Variants in SUGCT observed in about 807,000 individuals in gnomAD.
The protein encoded by SUGCT is succinyl-CoA:glutarate-CoA transferase.
Under a neutral mutation model 55.0 loss-of-function variants are expected in SUGCT, and 41 were observed. The ratio of observed to expected loss-of-function variants is 0.74; its 90% CI spans 0.58 to 0.97. The LOEUF (loss-of-function observed/expected upper bound fraction) is 0.97, where lower values mean the gene tolerates loss of function less well. Among genes scored for constraint, SUGCT ranks in the 50% least tolerant of loss-of-function variants. SUGCT has a pLI of 0.00. For synonymous variants in SUGCT, 187 were observed against 200.4 expected, an observed-to-expected ratio of 0.93 and a Z score of 0.56; for missense variants, 568 against 547.8, an observed-to-expected ratio of 1.04 and a Z score of -0.37.
chr7:40,976,537 T>A, the SUGCT span, among the ~76,000 whole-genome samples: 2 of 152,210 alleles, frequency 1.3e-5, no homozygotes, highest in Non-Finnish European at 2.9e-5. Flanking sequence ...AGGTTTCACA[T>A]CTCTGAATGT....
At chr7:40,925,870 G>T in the SUGCT span, among the ~76,000 whole-genome samples, 15 of 152,244 alleles carry the variant, frequency 9.9e-5, no homozygotes, top group Admixed American at 5.2e-4. Flanking sequence ...GAGATGGGGG[G>T]ACTGCTTGAG....
At chr7:40,675,268 A>G (rs79590460) in intron 12 of SUGCT, among the ~76,000 whole-genome samples, 1 of 152,130 alleles carries the variant, frequency 6.6e-6, no homozygotes, top group Non-Finnish European at 1.5e-5. Flanking sequence ...CATGTTGGCC[A>G]GTCTAGTCTC....
intron 6 of SUGCT, among the ~76,000 whole-genome samples, chr7:40,197,122 A>G (rs1488519564): frequency 1.3e-5 from 2 of 152,170 alleles, no homozygotes; most frequent in African/African-American, 4.8e-5. Context: ...CGTGTGAGCC[A>G]CTGTGCCCGG....
At chr7:40,879,092 C>T in the SUGCT span, among the ~76,000 whole-genome samples, 2 of 152,038 alleles carry the variant, frequency 1.3e-5, no homozygotes, top group Non-Finnish European at 2.9e-5. Context: ...GCGCCCAGCC[C>T]CTCAATCTTA....
At chr7:40,707,821 G>A (rs551110683) in intron 12 of SUGCT, among the ~76,000 whole-genome samples, 1 of 152,210 alleles carries the variant, frequency 6.6e-6, no homozygotes, top group South Asian at 2.1e-4. Flanking sequence ...GTGGATTTTT[G>A]TTTCTTACCA....
At chr7:40,185,614 C>T (rs1785459237) in intron 3 of SUGCT, among the ~76,000 whole-genome samples, 1 of 152,188 alleles carries the variant, frequency 6.6e-6, no homozygotes, top group Admixed American at 6.5e-5. Flanking sequence ...CCTCTACCTC[C>T]CAGGTTCAAA....
intron 11 of SUGCT, among the ~76,000 whole-genome samples, chr7:40,466,573 A>G (rs961420994): frequency 6.6e-6 from 1 of 152,218 alleles, no homozygotes; most frequent in African/African-American, 2.4e-5. Context: ...GGCAGAGAAT[A>G]TATCCTTTGG....
chr7:40,927,343 T>G, the SUGCT span, among the ~76,000 whole-genome samples: 111 of 152,312 alleles, frequency 7.3e-4, no homozygotes, highest in Admixed American at 2.1e-3. Context: ...GCCTTGCTCT[T>G]GTGTGGTACA....
chr7:40,556,426 C>T (rs1188098199), intron 12 of SUGCT, among the ~76,000 whole-genome samples: 1 of 152,212 alleles, frequency 6.6e-6, no homozygotes, highest in African/African-American at 2.4e-5. Context: ...TCTTCCCCTT[C>T]TCAGTCCTGC....
chr7:40,896,206 A>G, the SUGCT span, among the ~76,000 whole-genome samples: 1 of 152,190 alleles, frequency 6.6e-6, no homozygotes, highest in East Asian at 1.9e-4. Flanking sequence ...ACAATTACCT[A>G]TTTGAAAAAA....
chr7:40,687,630 C>A (rs1274294511), intron 12 of SUGCT, among the ~76,000 whole-genome samples: 1 of 152,092 alleles, frequency 6.6e-6, no homozygotes. Flanking sequence ...ATGGTTATAC[C>A]CGCAATTTTT....
At chr7:40,887,565 A>G in the SUGCT span, among the ~76,000 whole-genome samples, 3 of 152,222 alleles carry the variant, frequency 2.0e-5, no homozygotes, top group East Asian at 1.9e-4. Flanking sequence ...CAACAGTGGT[A>G]GTATTGACTG....
At chr7:40,252,739 C>G (rs965714150) in intron 7 of SUGCT, among the ~76,000 whole-genome samples, 10 of 152,116 alleles carry the variant, frequency 6.6e-5, no homozygotes, top group African/African-American at 2.4e-4. Context: ...CCTCAAACTC[C>G]TGGGCTCAAA....
At chr7:40,920,053 C>T in the SUGCT span, among the ~76,000 whole-genome samples, 8 of 152,232 alleles carry the variant, frequency 5.3e-5, no homozygotes, top group Admixed American at 6.5e-5. Context: ...AGCACCTTCT[C>T]GGAGGTATCT....
chr7:40,606,361 T>C (rs1798537042), intron 12 of SUGCT, among the ~76,000 whole-genome samples: 1 of 152,112 alleles, frequency 6.6e-6, no homozygotes, highest in African/African-American at 2.4e-5. Flanking sequence ...TTTGGGCATA[T>C]GGAAACTGAA....
intron 1 of SUGCT, among the ~76,000 whole-genome samples, chr7:40,138,206 C>T (rs150008803): frequency 1.1e-3 from 161 of 152,216 alleles, no homozygotes; most frequent in African/African-American, 3.6e-3. Context: ...TCCATATGTA[C>T]GCATTATTTA....
At chr7:40,172,753 T>C (rs1584251130) in intron 1 of SUGCT, among the ~76,000 whole-genome samples, 1 of 151,870 alleles carries the variant, frequency 6.6e-6, no homozygotes, top group African/African-American at 2.4e-5. Context: ...CCCAGGAAAA[T>C]TGTGAAAGCA....
At chr7:40,236,442 C>CAAAAAAAAAAAAAAAAAAAAAAAAAA (rs60720770) in intron 6 of SUGCT, among the ~76,000 whole-genome samples, 4 of 90,024 alleles carry the variant, frequency 4.4e-5, no homozygotes, top group African/African-American at 2.0e-4. Context: ...TTTCTGATGG[C>CAAAAAAAAAAAAAAAAAAAAAAAAAA]AAAAAAAAAA....
At chr7:40,677,402 C>G (rs1329362357) in intron 12 of SUGCT, among the ~76,000 whole-genome samples, 1 of 152,206 alleles carries the variant, frequency 6.6e-6, no homozygotes, top group African/African-American at 2.4e-5. Context: ...ACTTACCCAA[C>G]AGTGTCATAA....
Sources: gnomAD v4.1 joint callset for allele counts (sites outside exome capture counted in the v4.1 genomes callset) on GRCh38, gnomAD v4.1.1 for gene constraint, MANE v1.5 for transcripts, NCBI Gene and HGNC (gene_info 2026-07-23, HGNC 2026-07-21) for gene names.